Variants in GRIK2 observed in about 807,000 individuals in gnomAD.
The protein encoded by GRIK2 is glutamate receptor ionotropic, kainate 2.
GRIK2 carries 32 observed loss-of-function variants against 100.3 expected under a neutral mutation model. The observed-to-expected ratio is 0.32, with a 90% CI of 0.24 to 0.43. GRIK2 has a LOEUF of 0.43. Ranked by LOEUF, GRIK2 falls within the 20% of genes least tolerant of loss-of-function variation. GRIK2 has a pLI of 1.00. For synonymous variants in GRIK2, 417 were observed against 389.4 expected, an observed-to-expected ratio of 1.07 and a Z score of -0.83; for missense variants, 843 against 1,114.9, an observed-to-expected ratio of 0.76 and a Z score of 3.47.
At chr6:101,753,215 G>A (rs766059506) in intron 7 of GRIK2, among the ~76,000 whole-genome samples, 1 of 150,708 alleles carries the variant, frequency 6.6e-6, no homozygotes, top group African/African-American at 2.4e-5. Context: ...CCTGGGAGGC[G>A]GAGCTTGCAG....
At chr6:101,695,442 G>T (rs768675644) in intron 7 of GRIK2, among the ~76,000 whole-genome samples, 86 of 152,066 alleles carry the variant, frequency 5.7e-4, no homozygotes, top group Middle Eastern at 6.8e-3. Flanking sequence ...TTTGGAAGGG[G>T]GCACTGTCAA....
At chr6:101,620,154 G>A (rs1248261609) in intron 2 of GRIK2, 1 of 471,454 alleles carries the variant, frequency 2.1e-6, no homozygotes, top group African/African-American at 2.1e-5. Context: ...ATAGCAATTG[G>A]CAAATCCAGA....
chr6:101,932,625 A>G (rs1400404480), intron 14 of GRIK2, among the ~76,000 whole-genome samples: 1 of 151,512 alleles, frequency 6.6e-6, no homozygotes, highest in African/African-American at 2.4e-5. Flanking sequence ...TACTAATCCA[A>G]GATATGTTTT....
At chr6:101,686,534 A>G (rs1035031994) in intron 7 of GRIK2, among the ~76,000 whole-genome samples, 181 bp downstream of exon 7, 6 of 152,188 alleles carry the variant, frequency 3.9e-5, no homozygotes, top group African/African-American at 1.4e-4. Context: ...ATTTTATATG[A>G]AAAGCTTATG....
intron 14 of GRIK2, among the ~76,000 whole-genome samples, chr6:102,031,076 TACACACACACACACAC>T (rs55900001): frequency 3.8e-4 from 45 of 118,408 alleles, no homozygotes; most frequent in East Asian, 1.3e-3. Flanking sequence ...TATTATGCAT[TACACACACACACACAC>T]ACACACACAC....
intron 11 of GRIK2, among the ~76,000 whole-genome samples, chr6:101,876,169 T>TA (rs1007089402): frequency 2.2e-4 from 33 of 151,824 alleles, no homozygotes; most frequent in African/African-American, 7.2e-4. Flanking sequence ...ATGTAAATAG[T>TA]AAAATTAGTT....
intron 14 of GRIK2, among the ~76,000 whole-genome samples, chr6:101,976,345 T>A (rs1022554148): frequency 1.3e-5 from 2 of 151,838 alleles, no homozygotes; most frequent in Non-Finnish European, 2.9e-5. Context: ...TAGATGAGTG[T>A]GACAACAGGA....
intron 9 of GRIK2, among the ~76,000 whole-genome samples, chr6:101,812,213 C>G (rs1329365778): frequency 6.6e-6 from 1 of 151,462 alleles, no homozygotes; most frequent in Non-Finnish European, 1.5e-5. Context: ...TATGTATGTT[C>G]AACATTTGCC....
In GRIK2 at chr6:101,416,246, C is replaced by T. The variant is rs142781246; in HGVS notation, c.115+16854C>T. ...AAACAGACATTTAGATGGGAACTTACGGGATAACATAAGAATATCTGTAGT... is the reference window on the plus strand; with the variant it reads ...AAACAGACATTTAGATGGGAACTTATGGGATAACATAAGAATATCTGTAGT... On this transcript the variant is annotated intron_variant, in intron 2 of 16. Transcript: ENST00000369134. Among the ~76,000 whole-genome samples the T allele has an allele frequency of 5.9e-3, 901 of 152,186 alleles. 10 individuals carry two copies. Among genetic ancestry groups the T allele is most frequent in the African/African-American group, 0.02 (846 of 41,522 alleles).
intron 2 of GRIK2, among the ~76,000 whole-genome samples, chr6:101,429,569 T>G (rs1769257854): frequency 6.6e-6 from 1 of 152,056 alleles, no homozygotes; most frequent in African/African-American, 2.4e-5. Context: ...ACATCTTTTC[T>G]CTCAGTGGCA....
chr6:101,412,343 C>T (rs1329627983), intron 2 of GRIK2, among the ~76,000 whole-genome samples: 1 of 151,668 alleles, frequency 6.6e-6, no homozygotes, highest in Non-Finnish European at 1.5e-5. Flanking sequence ...TATTGATTGC[C>T]TCCTCGGTGA....
intron 2 of GRIK2, among the ~76,000 whole-genome samples, chr6:101,520,920 AATTTATATATGC>A (rs1376686768): frequency 2.6e-5 from 4 of 152,112 alleles, no homozygotes; most frequent in African/African-American, 9.7e-5. Flanking sequence ...CAAAATTGCT[AATTTATATATGC>A]ATTTGTATAT....
At chr6:101,813,152 C>A (rs968913417) in intron 9 of GRIK2, among the ~76,000 whole-genome samples, 1 of 152,062 alleles carries the variant, frequency 6.6e-6, no homozygotes, top group Non-Finnish European at 1.5e-5. Flanking sequence ...TACACACACA[C>A]ACACACACAT....
intron 2 of GRIK2, among the ~76,000 whole-genome samples, chr6:101,502,640 G>A (rs1202046424): frequency 1.3e-5 from 2 of 152,188 alleles, no homozygotes; most frequent in South Asian, 4.1e-4. Context: ...GAACAGTAAA[G>A]TGATACTCAA....
intron 11 of GRIK2, among the ~76,000 whole-genome samples, chr6:101,876,387 T>C (rs1665199439): frequency 6.6e-6 from 1 of 151,826 alleles, no homozygotes; most frequent in Admixed American, 6.6e-5. Flanking sequence ...TAGATTCCTT[T>C]CTGGTATTTC....
chr6:101,625,377 A>AAAT (rs1433965004), intron 3 of GRIK2, among the ~76,000 whole-genome samples: 25 of 147,864 alleles, frequency 1.7e-4, no homozygotes, highest in African/African-American at 5.2e-4. Context: ...TATATCAACA[A>AAAT]AATAAATAAT....
chr6:101,476,574 C>A (rs1772243783), intron 2 of GRIK2, among the ~76,000 whole-genome samples: 1 of 151,842 alleles, frequency 6.6e-6, no homozygotes, highest in Admixed American at 6.6e-5. Flanking sequence ...AATTATAGTA[C>A]CTACTGTATA....
chr6:101,690,574 AT>A (rs35041185), intron 7 of GRIK2, among the ~76,000 whole-genome samples: 2 of 151,994 alleles, frequency 1.3e-5, no homozygotes, highest in African/African-American at 4.8e-5. Flanking sequence ...TTCTAGTATG[AT>A]TTTTTTCAGA....
At chr6:102,065,767 A>G (rs1771987348) in intron 16 of GRIK2, 2 of 1,421,502 alleles carry the variant, frequency 1.4e-6, no homozygotes, top group African/African-American at 2.9e-5. Flanking sequence ...TATGTCATCT[A>G]ATTAATTCTT....
Sources: allele counts gnomAD v4.1 joint callset (sites outside exome capture counted in the v4.1 genomes callset), GRCh38; gene constraint gnomAD v4.1.1; transcripts MANE v1.5; gene names NCBI Gene and HGNC (gene_info 2026-07-23, HGNC 2026-07-21).